Variants in MPPED1 observed in about 807,000 individuals in gnomAD.
The protein encoded by MPPED1 is metallophosphoesterase domain-containing protein 1.
In MPPED1, 16 loss-of-function variants were observed where a neutral mutation model predicts 36.2. That is an observed-to-expected ratio of 0.44 (90% CI 0.30 to 0.67). MPPED1 has a LOEUF of 0.67. Among genes scored for constraint, MPPED1 ranks in the 30% least tolerant of loss-of-function variants. MPPED1 has a pLI of 0.10. For synonymous variants in MPPED1, 199 were observed against 191.3 expected (o/e 1.04, Z -0.33); for missense variants, 307 against 453.4 (o/e 0.68, Z 2.93).
At chr22:43,468,614 C>G (rs560740992) in intron 3 of MPPED1, among the ~76,000 whole-genome samples, 9 of 152,276 alleles carry the variant, frequency 5.9e-5, no homozygotes, top group African/African-American at 2.2e-4. Context: ...TTCTGAGCTC[C>G]AGTTTTCTCC....
intron 3 of MPPED1, among the ~76,000 whole-genome samples, chr22:43,440,938 T>C (rs1175307940): frequency 6.6e-6 from 1 of 152,084 alleles, no homozygotes; most frequent in Non-Finnish European, 1.5e-5. Context: ...TTGTTCCTCA[T>C]TCCCCTCCTG....
intron 4 of MPPED1, among the ~76,000 whole-genome samples, chr22:43,476,801 G>T (rs1178905982): frequency 2.0e-5 from 3 of 152,082 alleles, no homozygotes; most frequent in African/African-American, 7.2e-5. Flanking sequence ...GATGTGATGA[G>T]GTCAGTACCA....
intron 2 of MPPED1, among the ~76,000 whole-genome samples, chr22:43,431,391 A>G (rs1328352396): frequency 6.6e-6 from 1 of 152,004 alleles, no homozygotes; most frequent in East Asian, 1.9e-4. Context: ...ACTTGCAAAC[A>G]TAGTCAGGTT....
chr22:43,481,552 C>T (rs1476502608), intron 4 of MPPED1, among the ~76,000 whole-genome samples: 1 of 152,074 alleles, frequency 6.6e-6, no homozygotes, highest in African/African-American at 2.4e-5. Flanking sequence ...GATGAGTGAC[C>T]AAATGGATGG....
Position 43,505,625 on chromosome 22 carries a change from C to T in MPPED1, c.*9C>T. On this transcript the variant is annotated 3_prime_UTR_variant, in exon 7 of 7. Coordinates refer to ENST00000443721, the MANE Select transcript of MPPED1 (RefSeq NM_001044370.2). ...CACCCCGGAACTCCTGACTGCTCCC[C>T]ACTGCCCCTGCCCTGCCCGCCCGTG... The T allele has an allele frequency of 6.3e-7, 1 of 1,598,740 alleles. No individual in the cohort carries two copies. The highest frequency in any genetic ancestry group is 8.5e-7 in the Non-Finnish European group (1 of 1,172,182).
Position 43,456,282 on chromosome 22 carries a change from T to C in MPPED1, c.407-18454T>C, listed in dbSNP as rs530057525. Among the ~76,000 whole-genome samples the C allele has an allele frequency of 8.5e-5, 13 of 152,342 alleles. No homozygotes were observed. In the South Asian group the frequency reaches 2.7e-3, roughly 32 times the overall value. The stretch of plus-strand genomic sequence containing the variant: ...AGTATGATGTTAGCTGTGGGATTTG[T>C]AATATGTATGTATTTATTTGTTTAT... On this transcript the variant is annotated intron_variant, in intron 3 of 6. Coordinates refer to ENST00000443721, the MANE Select transcript of MPPED1 (RefSeq NM_001044370.2).
At chr22:43,446,993 TG>T (rs1601965897) in intron 3 of MPPED1, among the ~76,000 whole-genome samples, 1 of 152,286 alleles carries the variant, frequency 6.6e-6, no homozygotes, top group East Asian at 1.9e-4. Flanking sequence ...AGGCTTAACT[TG>T]CAGCTCACCT....
At chr22:43,435,409 C>T (rs928581073) in intron 3 of MPPED1, among the ~76,000 whole-genome samples, 194 bp downstream of exon 3, 2 of 152,204 alleles carry the variant, frequency 1.3e-5, no homozygotes, top group African/African-American at 2.4e-5. Flanking sequence ...GACCTCTCCT[C>T]CTCCAGCATC....
chr22:43,434,487 AGC>A (rs893136196), intron 2 of MPPED1, among the ~76,000 whole-genome samples: 17 of 152,236 alleles, frequency 1.1e-4, no homozygotes, highest in Non-Finnish European at 2.1e-4. Flanking sequence ...TGGGGGCCAT[AGC>A]GCCCCTAAAG....
At chr22:43,416,886 G>A (rs1929093673) in intron 1 of MPPED1, 1 of 611,040 alleles carries the variant, frequency 1.6e-6, no homozygotes, top group African/African-American at 2.0e-5. Context: ...TGCGTCTCGG[G>A]GCTCGTTCTG....
At chr22:43,485,574 C>A (rs1931888896) in intron 4 of MPPED1, among the ~76,000 whole-genome samples, 1 of 152,116 alleles carries the variant, frequency 6.6e-6, no homozygotes, top group African/African-American at 2.4e-5. Context: ...GCCACGATTT[C>A]TCTTCTGCCC....
intron 4 of MPPED1, among the ~76,000 whole-genome samples, chr22:43,486,153 T>G (rs976512685): frequency 2.3e-5 from 3 of 132,088 alleles, no homozygotes; most frequent in Admixed American, 7.6e-5. Flanking sequence ...ACCGGTCTGG[T>G]CTCCATGCAG....
At chr22:43,446,582 C>A (rs1257853282) in intron 3 of MPPED1, among the ~76,000 whole-genome samples, 2 of 152,084 alleles carry the variant, frequency 1.3e-5, no homozygotes, top group African/African-American at 2.4e-5. Context: ...CACGGAGAGT[C>A]TGAGCAAGTG....
intron 5 of MPPED1, among the ~76,000 whole-genome samples, chr22:43,499,977 G>GCAGTGATGA (rs1932608694): frequency 9.0e-6 from 1 of 110,720 alleles, no homozygotes; most frequent in Non-Finnish European, 1.8e-5. Context: ...GATGGGGGTG[G>GCAGTGATGA]TGGTGGTGAT....
At chr22:43,429,606 C>T (rs1312347826) in intron 2 of MPPED1, among the ~76,000 whole-genome samples, 2 of 152,364 alleles carry the variant, frequency 1.3e-5, no homozygotes, top group Admixed American at 6.5e-5. Context: ...TTGTGGCCCA[C>T]GCTTTGTGGC....
chr22:43,446,879 A>G lies in MPPED1; in HGVS notation c.406+11664A>G, dbSNP rs1439956729. Among the ~76,000 whole-genome samples the G allele has an allele frequency of 2.0e-5, 3 of 152,120 alleles. No homozygotes were observed. The East Asian group carries it at 5.8e-4, about 29-fold the overall frequency. ...ACACCAGAGATACCGTGGGCAGCAA[A>G]TCAAGCAAGACTTCCACTTGAGAGC... On this transcript the variant is annotated intron_variant, in intron 3 of 6. Coordinates refer to ENST00000443721, the MANE Select transcript of MPPED1 (RefSeq NM_001044370.2).
At chr22:43,497,935 G>GTATGTGTA (rs1932480800) in intron 4 of MPPED1, among the ~76,000 whole-genome samples, 4 of 128,378 alleles carry the variant, frequency 3.1e-5, no homozygotes, top group African/African-American at 1.4e-4. Context: ...ATATGTATAT[G>GTATGTGTA]TATATATATA....
At chr22:43,435,556 A>G (rs965646561) in intron 3 of MPPED1, among the ~76,000 whole-genome samples, 6 of 152,098 alleles carry the variant, frequency 3.9e-5, no homozygotes, top group African/African-American at 7.2e-5. Context: ...TAGGGCCTCA[A>G]TAAATAATTG....
rs35397052 is a variant in MPPED1, at chr22:43,435,133, G to A, written c.324G>A (p.Pro108=). ...CGAGGACGGACCCCATCCAGATGCCGTACGGCGACGTGCTGATCCACGCTG... is the reference window on the plus strand; with the variant it reads ...CGAGGACGGACCCCATCCAGATGCCATACGGCGACGTGCTGATCCACGCTG... ...THSRTDPIQM[P]YGDVLIHAGD... The change falls in exon 3 of 7, where the codon CCG becomes CCA. Residue 108 remains proline (P), a synonymous_variant. Coordinates refer to ENST00000443721, the MANE Select transcript of MPPED1 (RefSeq NM_001044370.2). 6.6e-5 allele frequency: 106 copies of A among 1,613,636 alleles called. No individual in the cohort carries two copies. The South Asian group carries it at 6.9e-4, about 11-fold the overall frequency.
Sources: allele counts gnomAD v4.1 joint callset (sites outside exome capture counted in the v4.1 genomes callset), GRCh38; gene constraint gnomAD v4.1.1; transcripts MANE v1.5; gene names NCBI Gene and HGNC (gene_info 2026-07-23, HGNC 2026-07-21).